TMEM132D: variants seen among roughly 807,000 people sequenced by gnomAD.
The protein encoded by TMEM132D is transmembrane protein 132D.
A neutral mutation model predicts 62.3 loss-of-function variants in TMEM132D; 21 were observed. The ratio of observed to expected loss-of-function variants is 0.34; its 90% confidence interval spans 0.24 to 0.49. The LOEUF (loss-of-function observed/expected upper bound fraction) is 0.49. Ranked by LOEUF, TMEM132D falls within the 20% of genes least tolerant of loss-of-function variation. The pLI is 0.99. For synonymous variants in TMEM132D, 621 were observed against 575.6 expected, an observed-to-expected ratio of 1.08 and a Z score of -1.13; for missense variants, 1,346 against 1,402.8, an observed-to-expected ratio of 0.96 and a Z score of 0.65.
intron 1 of TMEM132D, among the ~76,000 whole-genome samples, chr12:129,841,326 A>C (rs911761310): frequency 1.3e-5 from 2 of 152,198 alleles, no homozygotes; most frequent in Non-Finnish European, 2.9e-5. Context: ...AGAAAAAAAA[A>C]AGAAATTGCC....
At chr12:129,440,233 G>A (rs1872902093) in intron 3 of TMEM132D, among the ~76,000 whole-genome samples, 1 of 152,112 alleles carries the variant, frequency 6.6e-6, no homozygotes, top group Admixed American at 6.5e-5. Context: ...CATGAAAGTG[G>A]GACTTTCTGT....
intron 1 of TMEM132D, among the ~76,000 whole-genome samples, chr12:129,878,126 G>A (rs1199862434): frequency 6.6e-6 from 1 of 152,144 alleles, no homozygotes. Context: ...GCTCACCTGG[G>A]CTAAAAGCTC....
chr12:129,612,052 T>A (rs1406991045), intron 2 of TMEM132D, among the ~76,000 whole-genome samples: 1 of 152,178 alleles, frequency 6.6e-6, no homozygotes, highest in African/African-American at 2.4e-5. Context: ...ATCTCCACCC[T>A]AGACCCAACA....
chr12:129,842,097 A>ATTTTTTTTTTTTTTTTTTTT (rs746315309), intron 1 of TMEM132D, among the ~76,000 whole-genome samples: 1 of 97,446 alleles, frequency 1.0e-5, no homozygotes, highest in African/African-American at 4.1e-5. Context: ...CGCCCGGCTA[A>ATTTTTTTTTTTTTTTTTTTT]TTTTTTTTTT....
At chr12:129,748,160 C>A (rs1426055706) in intron 1 of TMEM132D, among the ~76,000 whole-genome samples, 2 of 152,122 alleles carry the variant, frequency 1.3e-5, no homozygotes, top group Non-Finnish European at 2.9e-5. Flanking sequence ...ACAACCTTGG[C>A]ATAGAAGCAA....
At chr12:129,637,743 C>T (rs1056317257) in intron 2 of TMEM132D, among the ~76,000 whole-genome samples, 1 of 152,090 alleles carries the variant, frequency 6.6e-6, no homozygotes, top group Admixed American at 6.5e-5. Context: ...CTGGGGAAGC[C>T]TCAGGAAACT....
chr12:129,451,216 A>G (rs1264848628), intron 3 of TMEM132D, among the ~76,000 whole-genome samples: 1 of 152,192 alleles, frequency 6.6e-6, no homozygotes, highest in Non-Finnish European at 1.5e-5. Context: ...GGTAAATAAA[A>G]TGCACAGATG....
intron 3 of TMEM132D, among the ~76,000 whole-genome samples, chr12:129,369,568 G>A (rs1354548781): frequency 6.6e-6 from 1 of 152,236 alleles, no homozygotes; most frequent in African/African-American, 2.4e-5. Flanking sequence ...GGTCTCATCA[G>A]CGGAAGCTGG....
chr12:129,320,130 G>A (rs991358341), intron 4 of TMEM132D, among the ~76,000 whole-genome samples: 1 of 152,134 alleles, frequency 6.6e-6, no homozygotes, highest in African/African-American at 2.4e-5. Context: ...GTTGGCTGGG[G>A]TTAATCAAAA....
At chr12:129,608,169 T>C (rs1373685868) in intron 2 of TMEM132D, among the ~76,000 whole-genome samples, 1 of 152,238 alleles carries the variant, frequency 6.6e-6, no homozygotes, top group Non-Finnish European at 1.5e-5. Context: ...CTCTTCATCC[T>C]GAAGCAGCAG....
intron 2 of TMEM132D, among the ~76,000 whole-genome samples, chr12:129,658,599 G>A (rs544529321): frequency 6.6e-6 from 1 of 152,282 alleles, no homozygotes; most frequent in South Asian, 2.1e-4. Context: ...TCAGAAAACT[G>A]CTTGACGAAT....
At chr12:129,760,816 C>G (rs1353550341) in intron 1 of TMEM132D, among the ~76,000 whole-genome samples, 1 of 152,048 alleles carries the variant, frequency 6.6e-6, no homozygotes, top group South Asian at 2.1e-4. Flanking sequence ...TCCCCTTTCT[C>G]TGCAACCCCC....
chr12:129,307,731 C>T (rs560345051), intron 4 of TMEM132D, among the ~76,000 whole-genome samples: 2 of 152,274 alleles, frequency 1.3e-5, no homozygotes, highest in African/African-American at 4.8e-5. Flanking sequence ...CTGCCCTCTT[C>T]TCTCTGCACC....
chr12:129,201,770 T>G, intron 5 of TMEM132D, among the ~76,000 whole-genome samples: 2 of 148,974 alleles, frequency 1.3e-5, no homozygotes, highest in Non-Finnish European at 1.5e-5. Flanking sequence ...AGATTGGGGG[T>G]AGGGGGAGAA....
chr12:129,813,270 A>G (rs538829145), intron 1 of TMEM132D, among the ~76,000 whole-genome samples: 8 of 151,796 alleles, frequency 5.3e-5, no homozygotes, highest in Admixed American at 1.3e-4. Context: ...GTTTCCTCAC[A>G]TACTCCCGAC....
chr12:129,376,703 A>G (rs1422878160), intron 3 of TMEM132D, among the ~76,000 whole-genome samples: 1 of 152,156 alleles, frequency 6.6e-6, no homozygotes, highest in Non-Finnish European at 1.5e-5. Flanking sequence ...TAAAATGGAG[A>G]CTAGTCCTGA....
At position 129,074,048 on chromosome 12, in the gene TMEM132D, TC is replaced by T. The variant is rs1348864916; in HGVS notation, c.3126del (p.Arg1044GlyfsTer2). ...SEPPTSPTSKRKRVKFTTFTA... is the reference protein window; with the variant it reads ...SEPPTSPTSKXKRVKFTTFTA... ...GTGAAGGTGGTAAATTTTACCCTTT[TC>T]CTTTTTGAGGTAGGGGATGTTGGGG... On this transcript the variant is annotated frameshift_variant, in exon 9 of 9. Coordinates refer to ENST00000422113, the MANE Select transcript of TMEM132D (RefSeq NM_133448.3). LOFTEE classifies it low-confidence loss of function (END_TRUNC). 1 of 1,613,910 alleles carries T rather than the reference TC, an allele frequency of 6.2e-7. No homozygotes were observed. The highest frequency in any genetic ancestry group is 1.3e-5 in the African/African-American group (1 of 74,900).
At chr12:129,641,470 G>T (rs1879638201) in intron 2 of TMEM132D, among the ~76,000 whole-genome samples, 1 of 152,182 alleles carries the variant, frequency 6.6e-6, no homozygotes, top group Non-Finnish European at 1.5e-5. Flanking sequence ...AATCCTGAAA[G>T]CAACAGAAGG....
rs145321381 is a variant in TMEM132D at position 129,076,090 on chromosome 12, A to ACT, written c.2116-1033_2116-1032dup. 6.6e-3 allele frequency among the ~76,000 whole-genome samples: 998 copies of ACT among 151,612 alleles called. 5 individuals are homozygous for ACT. The highest frequency in any genetic ancestry group is 9.7e-3 in the African/African-American group (399 of 41,268). On this transcript the variant is annotated intron_variant, in intron 8 of 8. Transcript: ENST00000422113. The stretch of plus-strand genomic sequence containing the variant: ...CAGCAATGCTGAGCCAGCCAGCATT[A>ACT]CTCTCTCTCTCTCGAACTTGAAACC...
Sources: gnomAD v4.1 joint callset for allele counts (sites outside exome capture counted in the v4.1 genomes callset) on GRCh38, gnomAD v4.1.1 for gene constraint, MANE v1.5 for transcripts, NCBI Gene and HGNC (gene_info 2026-07-23, HGNC 2026-07-21) for gene names.